Variants in MAP3K7CL observed in about 807,000 individuals in gnomAD.
MAP3K7CL encodes the protein MAP3K7 C-terminal like.
In MAP3K7CL, 16 loss-of-function variants were observed where a neutral mutation model predicts 18.6. The ratio of observed to expected loss-of-function variants is 0.86; its 90% CI spans 0.58 to 1.31. MAP3K7CL has a LOEUF of 1.31. Among genes scored for constraint, MAP3K7CL ranks in the 50% most tolerant of loss-of-function variants. The pLI, the probability that MAP3K7CL is intolerant of heterozygous loss-of-function variation, is 0.00. For synonymous variants in MAP3K7CL, 65 were observed against 66.8 expected (o/e 0.97, Z 0.13); for missense variants, 163 against 174.4 (o/e 0.93, Z 0.37).
intron 2 of MAP3K7CL, among the ~76,000 whole-genome samples, chr21:29,134,778 G>A (rs902390632): frequency 3.0e-4 from 46 of 152,122 alleles, no homozygotes; most frequent in Admixed American, 2.6e-3. Context: ...AGCCGGGCAC[G>A]GTGGCTCACG....
chr21:29,089,373 G>A (rs2085983034), intron 1 of MAP3K7CL, among the ~76,000 whole-genome samples: 1 of 151,858 alleles, frequency 6.6e-6, no homozygotes, highest in South Asian at 2.1e-4. Flanking sequence ...ATATATTAGT[G>A]TTTGATAAAG....
chr21:29,169,253 G>A (rs915518176), intron 4 of MAP3K7CL, among the ~76,000 whole-genome samples: 2 of 152,208 alleles, frequency 1.3e-5, no homozygotes, highest in African/African-American at 2.4e-5. Context: ...CACGGGTGCA[G>A]TGTTGCCCTT....
upstream of MAP3K7CL, among the ~76,000 whole-genome samples, chr21:29,127,142 A>G (rs1767407078): frequency 6.6e-6 from 1 of 152,226 alleles, no homozygotes; most frequent in Non-Finnish European, 1.5e-5. Flanking sequence ...AGAAATTGAT[A>G]TTGCATAATT....
intron 4 of MAP3K7CL, among the ~76,000 whole-genome samples, chr21:29,113,155 T>C (rs925187438): frequency 3.3e-5 from 5 of 152,238 alleles, no homozygotes; most frequent in African/African-American, 9.6e-5. Context: ...TTCATTATGA[T>C]TTAAACTGGC....
chr21:29,147,449 ATCTG>A (rs779026051), intron 2 of MAP3K7CL, among the ~76,000 whole-genome samples: 3 of 151,794 alleles, frequency 2.0e-5, no homozygotes, highest in Non-Finnish European at 4.4e-5. Context: ...TCTGTATTGT[ATCTG>A]TATGTGTACT....
At chr21:29,092,867 A>T (rs1166120599) in intron 4 of MAP3K7CL, among the ~76,000 whole-genome samples, 1 of 152,110 alleles carries the variant, frequency 6.6e-6, no homozygotes, top group Non-Finnish European at 1.5e-5. Flanking sequence ...ACTGATTACA[A>T]ATCTCTCCAA....
chr21:29,095,731 T>C (rs2086111509), intron 4 of MAP3K7CL, among the ~76,000 whole-genome samples: 1 of 152,214 alleles, frequency 6.6e-6, no homozygotes, highest in Admixed American at 6.5e-5. Context: ...AAAATGTTTC[T>C]AATTCTGTAG....
intron 1 of MAP3K7CL, among the ~76,000 whole-genome samples, chr21:29,087,495 A>G (rs971540076): frequency 1.4e-4 from 21 of 152,148 alleles, no homozygotes; most frequent in African/African-American, 4.8e-4. Flanking sequence ...TGAAGAAGCT[A>G]AAGAACAGAG....
At chr21:29,095,014 C>T (rs1027229614) in intron 4 of MAP3K7CL, among the ~76,000 whole-genome samples, 13 of 150,146 alleles carry the variant, frequency 8.7e-5, no homozygotes, top group African/African-American at 2.9e-4. Context: ...GCTGAGATTG[C>T]ACCACTGCAC....
At chr21:29,163,900 G>T (rs1395446282) in intron 4 of MAP3K7CL, among the ~76,000 whole-genome samples, 3 of 151,842 alleles carry the variant, frequency 2.0e-5, no homozygotes, top group Non-Finnish European at 4.4e-5. Context: ...ATCTTGCTAT[G>T]TTGCCCAGGC....
At position 29,125,620 on chromosome 21, in the gene MAP3K7CL, AAAG is replaced by A. The variant is rs559273674; in HGVS notation, c.371-23565_371-23563del. Among the ~76,000 whole-genome samples the A allele has an allele frequency of 1.1e-3, 175 of 152,362 alleles. 1 individual carries two copies. Among genetic ancestry groups the A allele is most frequent in the Middle Eastern group, 0.01 (3 of 294 alleles). ...AATTTTTCTTTGTCAATTAAAATAA[AAAG>A]AAGTTCCTGGGGGAGGTGGTGTCTT... On this transcript the variant is annotated intron_variant, in intron 4 of 6. Transcript: ENST00000286791.
At chr21:29,148,535 G>A (rs753412637) in intron 2 of MAP3K7CL, among the ~76,000 whole-genome samples, 2 of 152,178 alleles carry the variant, frequency 1.3e-5, no homozygotes, top group Non-Finnish European at 2.9e-5. Context: ...ACCAGTCAAC[G>A]TAAGCATGAG....
chr21:29,128,427 C>A (rs1021081037), upstream of MAP3K7CL, among the ~76,000 whole-genome samples: 2 of 152,118 alleles, frequency 1.3e-5, no homozygotes, highest in South Asian at 4.2e-4. Flanking sequence ...CTCAGCCTCC[C>A]GAGTAGCTGG....
intron 4 of MAP3K7CL, among the ~76,000 whole-genome samples, chr21:29,116,490 A>C (rs2086507612): frequency 6.6e-6 from 1 of 152,210 alleles, no homozygotes; most frequent in African/African-American, 2.4e-5. Flanking sequence ...CCATGTAGCC[A>C]CAAATGGAAA....
rs1264156003 is a variant in MAP3K7CL at position 29,092,614 on chromosome 21, G to C, written c.370+33G>C. The stretch of plus-strand genomic sequence containing the variant: ...TTCCGTCCACTTTCTGGAAGTCTCA[G>C]GTTCTGAAGGCTTTTTACACACTGC... On this transcript the variant is annotated intron_variant, in intron 4 of 6. Transcript: ENST00000286791. The C allele has an allele frequency of 2.5e-6, 4 of 1,610,580 alleles. No individual in the cohort carries two copies. The South Asian group carries it at 3.3e-5, about 13-fold the overall frequency.
At chr21:29,081,403 A>C (rs967551716), upstream of MAP3K7CL, among the ~76,000 whole-genome samples, 1 of 152,262 alleles carries the variant, frequency 6.6e-6, no homozygotes, top group African/African-American at 2.4e-5. Flanking sequence ...ATACAAAAAA[A>C]TTAGCTGGGC....
intron 1 of MAP3K7CL, among the ~76,000 whole-genome samples, chr21:29,089,118 C>T (rs565874437): frequency 6.6e-5 from 9 of 135,822 alleles, no homozygotes; most frequent in South Asian, 2.3e-4. Flanking sequence ...TGCAGTGAGC[C>T]GAGATCGCAC....
chr21:29,135,096 A>G (rs916414429), intron 2 of MAP3K7CL, among the ~76,000 whole-genome samples: 1 of 151,978 alleles, frequency 6.6e-6, no homozygotes, highest in Non-Finnish European at 1.5e-5. Flanking sequence ...CAACATAAGC[A>G]TTAGTATTCC....
At chr21:29,168,152 C>T (rs2123221535) in intron 4 of MAP3K7CL, among the ~76,000 whole-genome samples, 1 of 152,306 alleles carries the variant, frequency 6.6e-6, no homozygotes, top group African/African-American at 2.4e-5. Flanking sequence ...CCAGAAATTA[C>T]ATTTTCATTA....
Sources: gnomAD v4.1 joint callset for allele counts (sites outside exome capture counted in the v4.1 genomes callset) on GRCh38, gnomAD v4.1.1 for gene constraint, MANE v1.5 for transcripts, NCBI Gene and HGNC (gene_info 2026-07-23, HGNC 2026-07-21) for gene names.